MYLK4: variants seen among roughly 807,000 people sequenced by gnomAD.
MYLK4 encodes the protein myosin light chain kinase family member 4, also known as caMLCK like.
MYLK4 carries 46 observed loss-of-function variants against 48.1 expected under a neutral mutation model. The ratio of observed to expected loss-of-function variants is 0.96; its 90% confidence interval spans 0.75 to 1.22. The LOEUF is 1.22. MYLK4 is among the 50% of genes most tolerant of loss of function. The pLI is 0.00. For missense variants in MYLK4, 451 were observed against 486.1 expected (o/e 0.93, Z 0.68); for synonymous variants, 170 against 180.8 (o/e 0.94, Z 0.48).
chr6:2,694,581 G>GCGA (rs1561846201), intron 2 of MYLK4, among the ~76,000 whole-genome samples: 1 of 89,112 alleles, frequency 1.1e-5, no homozygotes. Context: ...AGTGCTGCTG[G>GCGA]TGGTGGTGGT....
chr6:2,726,485 G>C (rs989832322), intron 2 of MYLK4, among the ~76,000 whole-genome samples: 1 of 152,084 alleles, frequency 6.6e-6, no homozygotes, highest in Non-Finnish European at 1.5e-5. Flanking sequence ...CAACTTAGAG[G>C]AGACAAAAAC....
intron 2 of MYLK4, among the ~76,000 whole-genome samples, chr6:2,698,436 A>T (rs1762150945): frequency 6.6e-6 from 1 of 152,234 alleles, no homozygotes; most frequent in Non-Finnish European, 1.5e-5. Flanking sequence ...GGAATAGCCT[A>T]ATGGAATAAA....
the MYLK4 span, among the ~76,000 whole-genome samples, chr6:2,758,641 T>A: frequency 6.6e-6 from 1 of 152,202 alleles, no homozygotes; most frequent in African/African-American, 2.4e-5. Flanking sequence ...ATAATTTCCT[T>A]GATTTTCCTT....
At chr6:2,765,887 G>T in the MYLK4 span, 2 of 1,452,774 alleles carry the variant, frequency 1.4e-6, no homozygotes, top group Middle Eastern at 2.4e-4. Flanking sequence ...CCCGACGGCA[G>T]CCGAGAGCAG....
At chr6:2,765,883 G>C in the MYLK4 span, 1 of 1,450,482 alleles carries the variant, frequency 6.9e-7, no homozygotes, top group East Asian at 3.0e-5. Flanking sequence ...CCACCCCGAC[G>C]GCAGCCGAGA....
chr6:2,665,026 T>A lies in MYLK4; in HGVS notation c.*2899A>T, dbSNP rs1407919349. 1 of 152,208 alleles carries A rather than the reference T, an allele frequency of 6.6e-6. No homozygotes were observed. Among genetic ancestry groups the A allele is most frequent in the Non-Finnish European group, 1.5e-5 (1 of 68,034 alleles). 9.4% of individuals were successfully genotyped at this position (152,208 alleles called of 1,614,324 possible). A position where few individuals can be genotyped will look rare whatever the true frequency, so the allele number is the denominator to read the frequency against. Reference sequence around the variant, plus strand: ...GGAAGTGCTACATCGGTGCTTAATTTCCTCCATTTGCTAAAGAAAGTGGGA... The same window carrying A: ...GGAAGTGCTACATCGGTGCTTAATTACCTCCATTTGCTAAAGAAAGTGGGA... On this transcript the variant is annotated 3_prime_UTR_variant, in exon 13 of 13. Coordinates refer to ENST00000274643, the MANE Select transcript of MYLK4 (RefSeq NM_001012418.5).
intron 2 of MYLK4, among the ~76,000 whole-genome samples, chr6:2,732,818 A>G (rs1241665455): frequency 2.6e-5 from 4 of 152,332 alleles, no homozygotes; most frequent in African/African-American, 9.6e-5. Flanking sequence ...GTGACCCTAC[A>G]TCACAGAGAG....
At chr6:2,706,791 A>G (rs1336369685) in intron 2 of MYLK4, among the ~76,000 whole-genome samples, 2 of 152,192 alleles carry the variant, frequency 1.3e-5, no homozygotes, top group African/African-American at 2.4e-5. Flanking sequence ...AGAACATGCT[A>G]AACTACACTC....
chr6:2,710,180 C>T (rs1561856929), intron 2 of MYLK4, among the ~76,000 whole-genome samples: 2 of 152,082 alleles, frequency 1.3e-5, no homozygotes, highest in Admixed American at 6.5e-5. Flanking sequence ...ATGCTGCTTC[C>T]GGTTTTCAAT....
the MYLK4 span, among the ~76,000 whole-genome samples, chr6:2,757,205 T>G: frequency 6.6e-6 from 1 of 152,080 alleles, no homozygotes; most frequent in Admixed American, 6.6e-5. Flanking sequence ...AGCTATTATG[T>G]AATGACTCAT....
At chr6:2,712,687 C>T (rs1048433924) in intron 2 of MYLK4, among the ~76,000 whole-genome samples, 8 of 152,316 alleles carry the variant, frequency 5.3e-5, no homozygotes, top group Non-Finnish European at 5.9e-5. Context: ...CCAAATGAGA[C>T]GTGCCTCTCT....
At position 2,664,650 on chromosome 6, in the gene MYLK4, CAT is replaced by C. The variant is rs1158486862; in HGVS notation, c.*3273_*3274del. On this transcript the variant is annotated 3_prime_UTR_variant, in exon 13 of 13. Coordinates refer to ENST00000274643, the MANE Select transcript of MYLK4 (RefSeq NM_001012418.5). ...AATGGATAAAAATTAAGTATTCACACATCTTTCCAAACATACATCAAAGCAAG... is the reference window on the plus strand; with the variant it reads ...AATGGATAAAAATTAAGTATTCACACCTTTCCAAACATACATCAAAGCAAG... 1 of 152,314 alleles carries C rather than the reference CAT, an allele frequency of 6.6e-6. No individual in the cohort carries two copies. The highest frequency in any genetic ancestry group is 2.1e-4 in the South Asian group (1 of 4,826). The allele number at this position is 152,314 out of a possible 1,614,324, so 9.4% of individuals were successfully genotyped here.
the MYLK4 span, chr6:2,770,285 A>G: frequency 1.2e-6 from 2 of 1,614,060 alleles, no homozygotes; most frequent in East Asian, 4.5e-5. Flanking sequence ...GCGAGCGATC[A>G]ACTCCCTGGG....
At chr6:2,765,994 C>T in the MYLK4 span, 13 of 1,383,032 alleles carry the variant, frequency 9.4e-6, no homozygotes, top group Admixed American at 2.0e-4. Context: ...GCCTTATCCC[C>T]GACTTCCCGG....
At chr6:2,720,210 C>A (rs1255230946) in intron 2 of MYLK4, among the ~76,000 whole-genome samples, 1 of 152,086 alleles carries the variant, frequency 6.6e-6, no homozygotes, top group Non-Finnish European at 1.5e-5. Context: ...CGAGACCATC[C>A]TGGCCAACAT....
intron 2 of MYLK4, among the ~76,000 whole-genome samples, chr6:2,718,192 A>AG (rs1334330982): frequency 5.3e-4 from 55 of 103,480 alleles, no homozygotes; most frequent in South Asian, 1.4e-3. Context: ...AAAAAAAAAA[A>AG]AAAAAAAAAG....
intron 2 of MYLK4, among the ~76,000 whole-genome samples, chr6:2,694,942 T>C (rs891956954): frequency 6.6e-5 from 10 of 152,120 alleles, no homozygotes; most frequent in African/African-American, 1.7e-4. Context: ...CCAAGTTACA[T>C]GATTCCTATT....
chr6:2,678,428 A>C (rs770748262), intron 9 of MYLK4, 56 bp from the exon 10 acceptor site: 164 of 1,568,268 alleles, frequency 1.0e-4, no homozygotes, highest in Middle Eastern at 2.0e-4. Flanking sequence ...ACCCCTTTCC[A>C]TACAGATTGC....
chr6:2,741,283 G>A (rs1484726708), intron 2 of MYLK4, among the ~76,000 whole-genome samples: 1 of 152,146 alleles, frequency 6.6e-6, no homozygotes, highest in African/African-American at 2.4e-5. Flanking sequence ...TTGTTATCAA[G>A]TATGCTAACC....
Sources: gnomAD v4.1 joint callset for allele counts (sites outside exome capture counted in the v4.1 genomes callset) on GRCh38, gnomAD v4.1.1 for gene constraint, MANE v1.5 for transcripts, NCBI Gene and HGNC (gene_info 2026-07-23, HGNC 2026-07-21) for gene names.